NCALD: variants seen among roughly 807,000 people sequenced by gnomAD.
The protein encoded by NCALD is neurocalcin delta.
In NCALD, 10 loss-of-function variants were observed where a neutral mutation model predicts 18.6. That is an observed-to-expected ratio of 0.54 (90% confidence interval 0.33 to 0.91). The LOEUF (loss-of-function observed/expected upper bound fraction) is 0.91, where lower values mean the gene tolerates loss of function less well. Among genes scored for constraint, NCALD ranks in the 40% least tolerant of loss-of-function variants. The probability of loss-of-function intolerance (pLI) is 0.03; values close to 1 mark genes in which losing one functional copy is unlikely to be tolerated. For missense variants in NCALD, 184 were observed against 247.6 expected, an observed-to-expected ratio of 0.74 and a Z score of 1.72; for synonymous variants, 88 against 87.4, an observed-to-expected ratio of 1.01 and a Z score of -0.04.
At chr8:101,889,096 A>T (rs754843766) in intron 3 of NCALD, among the ~76,000 whole-genome samples, 4 of 152,226 alleles carry the variant, frequency 2.6e-5, no homozygotes, top group Non-Finnish European at 5.9e-5. Flanking sequence ...GGACCCTGGC[A>T]TTCACTTTTT....
At chr8:101,834,096 C>T (rs3735719) in intron 4 of NCALD, among the ~76,000 whole-genome samples, 257 of 152,338 alleles carry the variant, frequency 1.7e-3, no homozygotes, top group East Asian at 7.1e-3. Context: ...TGATGAGTGC[C>T]TTCTGGGGGG....
chr8:101,784,465 G>A (rs1194000183), intron 1 of NCALD, among the ~76,000 whole-genome samples: 1 of 152,058 alleles, frequency 6.6e-6, no homozygotes, highest in Non-Finnish European at 1.5e-5. Context: ...AAAGGGAGGG[G>A]CAATAGACTT....
chr8:101,870,847 C>T (rs888815919), intron 4 of NCALD, among the ~76,000 whole-genome samples: 8 of 149,844 alleles, frequency 5.3e-5, no homozygotes, highest in Admixed American at 3.4e-4. Flanking sequence ...ACAGTATCTA[C>T]CAAAAAGGTT....
At chr8:101,921,029 G>A (rs896656054) in intron 2 of NCALD, among the ~76,000 whole-genome samples, 7 of 152,148 alleles carry the variant, frequency 4.6e-5, no homozygotes, top group South Asian at 2.1e-4. Flanking sequence ...GTTAGCCTGC[G>A]AAAGGACTAA....
chr8:101,801,463 A>G (rs1057002791), intron 4 of NCALD, among the ~76,000 whole-genome samples: 1 of 151,992 alleles, frequency 6.6e-6, no homozygotes, highest in African/African-American at 2.4e-5. Context: ...GGCCACAAGT[A>G]AGGTCTTGAC....
intron 3 of NCALD, among the ~76,000 whole-genome samples, chr8:101,896,446 T>C (rs1001399990): frequency 2.6e-5 from 4 of 152,096 alleles, no homozygotes; most frequent in Non-Finnish European, 5.9e-5. Flanking sequence ...ATTCAGGACA[T>C]AGGCATGGGC....
At chr8:102,119,000 T>C (rs1825869741) in intron 1 of NCALD, among the ~76,000 whole-genome samples, 1 of 152,226 alleles carries the variant, frequency 6.6e-6, no homozygotes, top group Non-Finnish European at 1.5e-5. Context: ...GGTACCACCG[T>C]GGAAAACAGT....
chr8:101,807,190 C>T (rs1452119518), intron 4 of NCALD, among the ~76,000 whole-genome samples: 1 of 151,914 alleles, frequency 6.6e-6, no homozygotes, highest in South Asian at 2.1e-4. Context: ...CAAGTGACCT[C>T]GGATAAAAAG....
chr8:101,881,429 T>C (rs1816491043), intron 4 of NCALD, among the ~76,000 whole-genome samples: 1 of 152,184 alleles, frequency 6.6e-6, no homozygotes, highest in Admixed American at 6.5e-5. Context: ...CAGTATACTA[T>C]TATAATAAAT....
intron 1 of NCALD, among the ~76,000 whole-genome samples, chr8:102,103,833 G>A (rs1825363586): frequency 6.6e-6 from 1 of 152,230 alleles, no homozygotes; most frequent in Admixed American, 6.5e-5. Flanking sequence ...TTTGGCATAT[G>A]AGGGGACTTT....
intron 1 of NCALD, among the ~76,000 whole-genome samples, chr8:102,035,946 C>T (rs1822847689): frequency 1.3e-5 from 2 of 151,890 alleles, no homozygotes; most frequent in South Asian, 2.1e-4. Context: ...AATAATAATA[C>T]TAAACAGTTT....
At chr8:102,038,848 G>A (rs1334207722) in intron 1 of NCALD, among the ~76,000 whole-genome samples, 1 of 152,090 alleles carries the variant, frequency 6.6e-6, no homozygotes, top group African/African-American at 2.4e-5. Flanking sequence ...TAAATTATAT[G>A]GCAAATGGTG....
intron 3 of NCALD, among the ~76,000 whole-genome samples, chr8:101,900,276 T>C (rs534626389): frequency 7.2e-5 from 11 of 152,040 alleles, no homozygotes; most frequent in African/African-American, 2.6e-4. Context: ...TGAAGGTTTA[T>C]CAATTTTCTT....
intron 1 of NCALD, among the ~76,000 whole-genome samples, chr8:102,119,131 C>T (rs1825873546): frequency 1.3e-5 from 2 of 152,170 alleles, no homozygotes; most frequent in Admixed American, 1.3e-4. Flanking sequence ...CCCATATTCA[C>T]AGCAGTGTTT....
intron 3 of NCALD, among the ~76,000 whole-genome samples, chr8:101,897,280 A>G (rs1015391495): frequency 3.9e-4 from 58 of 149,376 alleles, no homozygotes; most frequent in African/African-American, 1.4e-3. Context: ...AAAACCAAAC[A>G]CCGCATATTC....
At chr8:101,878,734 T>C (rs1816334590) in intron 4 of NCALD, among the ~76,000 whole-genome samples, 1 of 152,254 alleles carries the variant, frequency 6.6e-6, no homozygotes, top group Admixed American at 6.5e-5. Flanking sequence ...TGATCCCATT[T>C]ATTCTTATTT....
intron 1 of NCALD, among the ~76,000 whole-genome samples, chr8:102,085,418 G>C (rs1432852187): frequency 6.6e-6 from 1 of 152,162 alleles, no homozygotes; most frequent in Non-Finnish European, 1.5e-5. Flanking sequence ...GAAGAGAGGG[G>C]ATCTTTTTTA....
At chr8:101,901,827 G>T (rs1263432549) in intron 3 of NCALD, among the ~76,000 whole-genome samples, 6 of 151,378 alleles carry the variant, frequency 4.0e-5, no homozygotes, top group Admixed American at 3.9e-4. Context: ...GTCTCGACTT[G>T]TCACCCAGGT....
intron 2 of NCALD, among the ~76,000 whole-genome samples, chr8:101,713,738 T>C (rs945424674): frequency 2.6e-5 from 4 of 152,130 alleles, no homozygotes; most frequent in Admixed American, 2.0e-4. Context: ...CAGGAAGAAG[T>C]TGAATCCCTG....
Sources: gnomAD v4.1 joint callset for allele counts (sites outside exome capture counted in the v4.1 genomes callset) on GRCh38, gnomAD v4.1.1 for gene constraint, MANE v1.5 for transcripts, NCBI Gene and HGNC (gene_info 2026-07-23, HGNC 2026-07-21) for gene names.